PRUNE2: variants seen among roughly 807,000 people sequenced by gnomAD.
PRUNE2 encodes protein prune homolog 2.
PRUNE2 carries 164 observed loss-of-function variants against 252.0 expected under a neutral mutation model. The observed-to-expected ratio is 0.65, with a 90% confidence interval of 0.57 to 0.74. The LOEUF (loss-of-function observed/expected upper bound fraction) is 0.74, where lower values mean the gene tolerates loss of function less well. Among genes scored for constraint, PRUNE2 ranks in the 30% least tolerant of loss-of-function variants. The pLI, the probability that PRUNE2 is intolerant of heterozygous loss-of-function variation, is 0.00. For synonymous variants in PRUNE2, 1,292 were observed against 1,350.2 expected, an observed-to-expected ratio of 0.96 and a Z score of 0.94; for missense variants, 3,495 against 3,711.0, an observed-to-expected ratio of 0.94 and a Z score of 1.51.
At chr9:76,649,643 T>TAGATAGATAGATAGATAGATAGAC (rs1276301453) in intron 11 of PRUNE2, among the ~76,000 whole-genome samples, 2 of 150,636 alleles carry the variant, frequency 1.3e-5, no homozygotes, top group African/African-American at 5.0e-5. Flanking sequence ...GATAGATAGA[T>TAGATAGATAGATAGATAGATAGAC]AGAATAGGCT....
chr9:76,624,580 G>C, intron 16 of PRUNE2, 90 bp from the exon 17 acceptor site: 1 of 893,462 alleles, frequency 1.1e-6, no homozygotes, highest in Middle Eastern at 2.4e-4. Context: ...AGGGCCAAAT[G>C]AAAGTGGTGC....
At chr9:76,767,049 C>T (rs528309724) in intron 6 of PRUNE2, among the ~76,000 whole-genome samples, 1 of 152,190 alleles carries the variant, frequency 6.6e-6, no homozygotes, top group Admixed American at 6.5e-5. Context: ...CTGCTGTATT[C>T]TGGTATAGCG....
chr9:76,828,371 T>C (rs1477253646), intron 4 of PRUNE2, among the ~76,000 whole-genome samples: 2 of 152,082 alleles, frequency 1.3e-5, no homozygotes, highest in Non-Finnish European at 2.9e-5. Context: ...GTTGGAGAGA[T>C]AGAGATAGAT....
In PRUNE2 at chr9:76,711,193, C is replaced by T; in HGVS notation, c.1081G>A (p.Val361Ile). The part of the protein sequence containing the change: ...EVINRRCPEM[V>I]SNSRTSSTEA... ...GTTGAGGATGTCCGGCTATTGGAGA[C>T]CATCTCTGGACACCTCCTGTTGATG... The change falls in exon 8 of 19, where the codon GTC (valine) becomes ATC (isoleucine). Residue 361 changes from valine to isoleucine, a missense_variant. Coordinates refer to ENST00000376718, the MANE Select transcript of PRUNE2 (RefSeq NM_015225.3). 1 of 1,613,944 alleles carries T rather than the reference C, an allele frequency of 6.2e-7. No homozygotes were observed. The highest frequency in any genetic ancestry group is 8.5e-7 in the Non-Finnish European group (1 of 1,179,866).
At chr9:76,750,265 T>C (rs911831818) in intron 6 of PRUNE2, among the ~76,000 whole-genome samples, 6 of 152,336 alleles carry the variant, frequency 3.9e-5, no homozygotes, top group East Asian at 1.9e-4. Context: ...CTCTGATTTA[T>C]AGCCAGTTTA....
At chr9:76,616,201 C>T (rs1829580357) in intron 18 of PRUNE2, among the ~76,000 whole-genome samples, 1 of 152,190 alleles carries the variant, frequency 6.6e-6, no homozygotes, top group East Asian at 1.9e-4. Flanking sequence ...GTTTTCTTAC[C>T]TGCAGAGTTT....
At chr9:76,720,833 A>G (rs2047575065) in intron 6 of PRUNE2, among the ~76,000 whole-genome samples, 1 of 147,186 alleles carries the variant, frequency 6.8e-6, no homozygotes, top group Non-Finnish European at 1.5e-5. Flanking sequence ...GCACAAAGTT[A>G]AATATGAAGT....
chr9:76,633,161 G>A (rs2132465633), intron 15 of PRUNE2, among the ~76,000 whole-genome samples: 1 of 152,200 alleles, frequency 6.6e-6, no homozygotes, highest in East Asian at 1.9e-4. Flanking sequence ...GGCGGAGGCT[G>A]CAGAAAGCAG....
At chr9:76,728,028 C>A (rs1354180601) in intron 6 of PRUNE2, among the ~76,000 whole-genome samples, 1 of 152,000 alleles carries the variant, frequency 6.6e-6, no homozygotes, top group Non-Finnish European at 1.5e-5. Context: ...TTAAACAGGG[C>A]ATTTTTAAAT....
At position 76,882,652 on chromosome 9, in the gene PRUNE2, A is replaced by C. The variant is rs187515096; in HGVS notation, c.36+23276T>G. Among the ~76,000 whole-genome samples the C allele has an allele frequency of 9.2e-5, 14 of 152,272 alleles. No individual in the cohort carries two copies. The East Asian group carries it at 2.7e-3, about 29-fold the overall frequency. On this transcript the variant is annotated intron_variant, in intron 1 of 18. Transcript: ENST00000376718. ...AGAGGGGAGGTGCTACAGACTTTAAAAGGACCAAATCTCATGAGAACACAC... is the reference window on the plus strand; with the variant it reads ...AGAGGGGAGGTGCTACAGACTTTAACAGGACCAAATCTCATGAGAACACAC...
intron 6 of PRUNE2, among the ~76,000 whole-genome samples, chr9:76,822,235 G>C (rs1024846095): frequency 6.6e-6 from 1 of 152,158 alleles, no homozygotes; most frequent in Admixed American, 6.5e-5. Context: ...CAATCTGAAA[G>C]TCCATAGAAA....
intron 2 of PRUNE2, among the ~76,000 whole-genome samples, chr9:76,851,827 A>G (rs986906442): frequency 6.7e-5 from 10 of 149,300 alleles, no homozygotes; most frequent in Non-Finnish European, 1.5e-4. Context: ...AGAGAGGTAG[A>G]GAATTGTAGT....
chr9:76,811,485 T>A (rs2057352968), intron 6 of PRUNE2, among the ~76,000 whole-genome samples: 1 of 152,160 alleles, frequency 6.6e-6, no homozygotes, highest in African/African-American at 2.4e-5. Context: ...CAGTTATTGG[T>A]ATCTGGTATC....
chr9:76,701,892 A>C (rs2045915727), intron 9 of PRUNE2, among the ~76,000 whole-genome samples: 1 of 152,170 alleles, frequency 6.6e-6, no homozygotes, highest in African/African-American at 2.4e-5. Context: ...CTTTCAGCCC[A>C]ACTCACTAAT....
chr9:76,712,709 G>C (rs1249744186), intron 7 of PRUNE2, among the ~76,000 whole-genome samples: 1 of 152,196 alleles, frequency 6.6e-6, no homozygotes, highest in Non-Finnish European at 1.5e-5. Flanking sequence ...ATTTAGCTTT[G>C]AAACCAAATG....
At chr9:76,668,609 CT>C (rs1400723539) in intron 9 of PRUNE2, among the ~76,000 whole-genome samples, 1 of 151,994 alleles carries the variant, frequency 6.6e-6, no homozygotes, top group East Asian at 1.9e-4. Context: ...CTGGATCATT[CT>C]CTCACTCCTC....
At chr9:76,811,385 C>T (rs1446270659) in intron 6 of PRUNE2, among the ~76,000 whole-genome samples, 1 of 152,180 alleles carries the variant, frequency 6.6e-6, no homozygotes, top group Non-Finnish European at 1.5e-5. Context: ...TGAATTAAAT[C>T]AATAGGCTGG....
At chr9:76,904,462 CTG>C (rs947344741) in intron 1 of PRUNE2, among the ~76,000 whole-genome samples, 4 of 152,128 alleles carry the variant, frequency 2.6e-5, no homozygotes, top group Non-Finnish European at 4.4e-5. Flanking sequence ...GCCCAGAACT[CTG>C]TGTTTGTCAT....
chr9:76,784,425 G>C (rs151068932), intron 6 of PRUNE2: 3 of 152,136 alleles, frequency 2.0e-5, no homozygotes, highest in South Asian at 2.1e-4. Context: ...AGATAACCAC[G>C]GGGCAGAGGG....
Sources: allele counts gnomAD v4.1 joint callset (sites outside exome capture counted in the v4.1 genomes callset), GRCh38; gene constraint gnomAD v4.1.1; transcripts MANE v1.5; gene names NCBI Gene and HGNC (gene_info 2026-07-23, HGNC 2026-07-21).